The following COG5 variants were observed in gnomAD, a reference collection of about 807,000 sequenced individuals.
COG5 encodes component of oligomeric golgi complex 5, also known as conserved oligomeric Golgi complex subunit 5.
Under a neutral mutation model 110.4 loss-of-function variants are expected in COG5, and 86 were observed. The ratio of observed to expected loss-of-function variants is 0.78; its 90% CI spans 0.65 to 0.93. COG5 has a LOEUF of 0.93. COG5 is among the 40% of genes least tolerant of loss of function. COG5 has a pLI of 0.00. For synonymous variants in COG5, 360 were observed against 334.6 expected (o/e 1.08, Z -0.83); for missense variants, 1,077 against 987.0 (o/e 1.09, Z -1.22).
rs533470880 is a variant in COG5 at position 107,281,522 on chromosome 7, C to T, written c.1476-123G>A. The T allele has an allele frequency of 7.5e-5, 56 of 751,650 alleles. No individual in the cohort carries two copies. In the African/African-American group the frequency reaches 9.4e-4, roughly 13 times the overall value. The allele number at this position is 751,650 out of a possible 1,614,324, so 46.6% of individuals were successfully genotyped here. A position where few individuals can be genotyped will look rare whatever the true frequency, so the allele number is the denominator to read the frequency against. ...ATTCTTTTTATAGATTTCACTGCTTCCAAGAACTGGTTGCATTGTTTCATT... is the reference window on the plus strand; with the variant it reads ...ATTCTTTTTATAGATTTCACTGCTTTCAAGAACTGGTTGCATTGTTTCATT... On this transcript the variant is annotated intron_variant, in intron 13 of 21. Transcript: ENST00000297135.
At chr7:107,353,178 C>A (rs1812313615) in intron 10 of COG5, among the ~76,000 whole-genome samples, 1 of 151,992 alleles carries the variant, frequency 6.6e-6, no homozygotes, top group Non-Finnish European at 1.5e-5. Context: ...GTAATCCCAG[C>A]ACTTTGGGAG....
intron 3 of COG5, among the ~76,000 whole-genome samples, chr7:107,548,927 T>C (rs1159309340): frequency 1.3e-5 from 2 of 152,226 alleles, no homozygotes; most frequent in Non-Finnish European, 2.9e-5. Context: ...TTATTTTGAA[T>C]GCCATTCTTT....
intron 10 of COG5, among the ~76,000 whole-genome samples, chr7:107,353,330 C>T (rs2129042474): frequency 6.8e-6 from 1 of 146,818 alleles, no homozygotes; most frequent in African/African-American, 2.5e-5. Flanking sequence ...GAGGCTGAGG[C>T]AGGAGAATGG....
rs1356125585 is a variant in COG5 at position 107,474,838 on chromosome 7, A to G, written c.538+52399T>C. The G allele has an allele frequency of 1.9e-6, 3 of 1,613,252 alleles. No individual in the cohort carries two copies. The highest frequency in any genetic ancestry group is 1.7e-6 in the Non-Finnish European group (2 of 1,179,584). ...GAAGAAAGCAAGAAAGAAAAAGACA[A>G]TTTCTCTAACCACACAACATGAGGC... On this transcript the variant is annotated intron_variant, in intron 6 of 21. Coordinates refer to ENST00000297135, the MANE Select transcript of COG5 (RefSeq NM_006348.5). The surrounding 1 kb of genome is among the most constrained non-coding windows in gnomAD (Gnocchi z 5.7).
intron 14 of COG5, among the ~76,000 whole-genome samples, chr7:107,274,697 C>T (rs1392955860): frequency 6.6e-6 from 1 of 152,176 alleles, no homozygotes; most frequent in Non-Finnish European, 1.5e-5. Flanking sequence ...GCAATAAATG[C>T]TTACTGCGTG....
intron 18 of COG5, among the ~76,000 whole-genome samples, chr7:107,233,520 A>G (rs1382733385): frequency 6.6e-6 from 1 of 152,210 alleles, no homozygotes; most frequent in Non-Finnish European, 1.5e-5. Flanking sequence ...TCTTAAAGAA[A>G]TCCTGAAAAT....
At chr7:107,246,882 G>A (rs1158712594) in intron 17 of COG5, among the ~76,000 whole-genome samples, 1 of 152,068 alleles carries the variant, frequency 6.6e-6, no homozygotes, top group African/African-American at 2.4e-5. Flanking sequence ...TATATCCAGA[G>A]GAATATAAAT....
chr7:107,222,711 AAAAT>A (rs1388440517), intron 19 of COG5, among the ~76,000 whole-genome samples: 1 of 152,238 alleles, frequency 6.6e-6, no homozygotes, highest in African/African-American at 2.4e-5. Context: ...AGCAAGTTAA[AAAAT>A]AAATAACCAT....
rs12113659 is a variant in COG5, at chr7:107,349,909, C to G, written c.1026+12124G>C. Among the ~76,000 whole-genome samples the G allele has an allele frequency of 1.2e-3, 178 of 152,128 alleles. 2 individuals are homozygous for G. Among genetic ancestry groups the G allele is most frequent in the African/African-American group, 4.0e-3 (168 of 41,516 alleles). ...GTTTCACCATGTTGGCCAGGCTGTT[C>G]GCAAACTCCTGAACTCAATTGACCC... On this transcript the variant is annotated intron_variant, in intron 10 of 21. Coordinates refer to ENST00000297135, the MANE Select transcript of COG5 (RefSeq NM_006348.5).
chr7:107,485,440 A>C (rs2712193), intron 6 of COG5, among the ~76,000 whole-genome samples: 42,922 of 152,086 alleles, frequency 0.28, 6,094 homozygotes, highest in East Asian at 0.33. Flanking sequence ...AAATAAGACA[A>C]TTTTAAATAC....
intron 10 of COG5, among the ~76,000 whole-genome samples, chr7:107,344,900 T>C (rs1811468281): frequency 6.6e-6 from 1 of 152,222 alleles, no homozygotes; most frequent in Non-Finnish European, 1.5e-5. Flanking sequence ...TTCCTTTGCA[T>C]TTACAACTTG....
At chr7:107,548,811 C>G (rs1802661052) in intron 3 of COG5, among the ~76,000 whole-genome samples, 1 of 152,200 alleles carries the variant, frequency 6.6e-6, no homozygotes, top group African/African-American at 2.4e-5. Flanking sequence ...GTCTACAACT[C>G]TCTAGGCTTA....
chr7:107,548,418 A>G, intron 3 of COG5, 86 bp from the exon 4 acceptor site: 1 of 1,266,142 alleles, frequency 7.9e-7, no homozygotes, highest in African/African-American at 1.5e-5. Context: ...AAATACATGC[A>G]TATATAATTT....
chr7:107,285,865 GAA>G (rs61521862), intron 12 of COG5, among the ~76,000 whole-genome samples: 3 of 119,596 alleles, frequency 2.5e-5, no homozygotes, highest in African/African-American at 8.9e-5. Context: ...ACTCTGTCAA[GAA>G]AAAAAAAAAA....
intron 6 of COG5, among the ~76,000 whole-genome samples, chr7:107,508,787 G>A (rs1050385507): frequency 6.6e-6 from 1 of 152,158 alleles, no homozygotes; most frequent in Non-Finnish European, 1.5e-5. Flanking sequence ...AGGCAAACAG[G>A]GTCTGGAGTG....
intron 10 of COG5, among the ~76,000 whole-genome samples, chr7:107,342,706 C>A (rs1811273234): frequency 1.3e-5 from 2 of 151,720 alleles, no homozygotes; most frequent in African/African-American, 4.8e-5. Flanking sequence ...AAAAAAAAAC[C>A]CAAAAAACCC....
At position 107,202,293 on chromosome 7, in the gene COG5, A is replaced by C; in HGVS notation, c.*1223T>G. ...ACTGCAGTGCAACACTTGCACTTTAATTTTCCTCCAACTGTCTAAAATTAG... is the reference window on the plus strand; with the variant it reads ...ACTGCAGTGCAACACTTGCACTTTACTTTTCCTCCAACTGTCTAAAATTAG... On this transcript the variant is annotated 3_prime_UTR_variant, in exon 22 of 22. Transcript: ENST00000297135. 2.0e-5 allele frequency: 3 copies of C among 152,612 alleles called. No homozygotes were observed. Among genetic ancestry groups the C allele is most frequent in the Non-Finnish European group, 4.4e-5 (3 of 68,028 alleles). The allele number at this position is 152,612 out of a possible 1,614,324, so 9.5% of individuals were successfully genotyped here. A position where few individuals can be genotyped will look rare whatever the true frequency, so the allele number is the denominator to read the frequency against.
At chr7:107,483,975 C>T (rs2129122778) in intron 6 of COG5, among the ~76,000 whole-genome samples, 1 of 151,796 alleles carries the variant, frequency 6.6e-6, no homozygotes, top group East Asian at 1.9e-4. Context: ...TAAAAATCAT[C>T]ATCAGTGTTA....
At chr7:107,357,878 A>T (rs1812770014) in intron 10 of COG5, among the ~76,000 whole-genome samples, 1 of 152,172 alleles carries the variant, frequency 6.6e-6, no homozygotes, top group Non-Finnish European at 1.5e-5. Flanking sequence ...TATGTTGCCC[A>T]GGCTGGTTTT....
Sources: gnomAD v4.1 joint callset for allele counts (sites outside exome capture counted in the v4.1 genomes callset) on GRCh38, gnomAD v4.1.1 for gene constraint, Gnocchi (gnomAD v3.1) non-coding constraint, MANE v1.5 for transcripts, NCBI Gene and HGNC (gene_info 2026-07-23, HGNC 2026-07-21) for gene names.